Variants in KIF27 observed in about 807,000 individuals in gnomAD.
KIF27 encodes kinesin family member 27.
KIF27 carries 84 observed loss-of-function variants against 141.8 expected under a neutral mutation model. The observed-to-expected ratio is 0.59, with a 90% CI of 0.50 to 0.71. The LOEUF (loss-of-function observed/expected upper bound fraction) is 0.71. KIF27 is among the 30% of genes least tolerant of loss of function. KIF27 has a pLI of 0.00. For missense variants in KIF27, 1,306 were observed against 1,628.4 expected (o/e 0.80, Z 3.41); for synonymous variants, 471 against 569.5 (o/e 0.83, Z 2.46).
intron 13 of KIF27, among the ~76,000 whole-genome samples, chr9:83,865,923 T>C (rs1162387930): frequency 6.6e-6 from 1 of 152,172 alleles, no homozygotes; most frequent in African/African-American, 2.4e-5. Flanking sequence ...TTTTTAGATG[T>C]TTCAGAAAAT....
chr9:83,859,420 T>C (rs751828733), intron 13 of KIF27, 49 bp from the exon 14 acceptor site: 2 of 1,262,094 alleles, frequency 1.6e-6, no homozygotes, highest in South Asian at 1.3e-5. Context: ...ACTAGAAATC[T>C]AGACTGCATA....
At chr9:83,875,962 T>C (rs1266418851) in intron 11 of KIF27, among the ~76,000 whole-genome samples, 3 of 151,478 alleles carry the variant, frequency 2.0e-5, no homozygotes, top group Non-Finnish European at 4.4e-5. Context: ...AGGATAATTT[T>C]AGGATGAAAA....
At chr9:83,879,826 C>T (rs973670281) in intron 11 of KIF27, among the ~76,000 whole-genome samples, 8 of 152,268 alleles carry the variant, frequency 5.3e-5, no homozygotes, top group African/African-American at 1.9e-4. Flanking sequence ...AAGTTCTTCC[C>T]CAGCCCAATC....
chr9:83,884,956 T>C (rs1459057663), intron 9 of KIF27, among the ~76,000 whole-genome samples: 1 of 152,190 alleles, frequency 6.6e-6, no homozygotes, highest in Non-Finnish European at 1.5e-5. Context: ...TGATTCTAAA[T>C]CCAGCTAGTG....
At chr9:83,868,781 G>A (rs530577650) in intron 12 of KIF27, among the ~76,000 whole-genome samples, 1 of 152,084 alleles carries the variant, frequency 6.6e-6, no homozygotes, top group East Asian at 1.9e-4. Context: ...GAAAAAGAGA[G>A]CAAAATGGCC....
At chr9:83,845,036 C>G (rs1174549513) in intron 16 of KIF27, among the ~76,000 whole-genome samples, 2 of 152,184 alleles carry the variant, frequency 1.3e-5, no homozygotes, top group African/African-American at 2.4e-5. Flanking sequence ...GCTGTGCAAG[C>G]TGCTCTGCCA....
At chr9:83,860,391 T>G (rs1229607631) in intron 13 of KIF27, among the ~76,000 whole-genome samples, 1 of 152,210 alleles carries the variant, frequency 6.6e-6, no homozygotes, top group African/African-American at 2.4e-5. Context: ...GTCTACTGAC[T>G]ATGTATTATG....
In KIF27 at chr9:83,870,533, T is replaced by C. The variant is rs374535082; in HGVS notation, c.2743A>G (p.Ile915Val). 5 of 1,613,752 alleles carry C rather than the reference T, an allele frequency of 3.1e-6. No homozygotes were observed. The highest frequency in any genetic ancestry group is 1.1e-5 in the South Asian group (1 of 91,074). ...LKRRKGSFGS[I>V]DHLQKLDEQK... ...AATTGACAAACCTGGAGATGGTCTA[T>C]ACTTCCAAACGAACCTTTTCTCCTT... Residue 915 changes from isoleucine (I) to valine (V), a missense_variant, in exon 12 of 18, where the codon ATA (isoleucine) becomes GTA (valine). Physicochemically the swap from Ile to Val is conservative, Grantham distance 29 (BLOSUM62 3). Coordinates refer to ENST00000297814, the MANE Select transcript of KIF27 (RefSeq NM_017576.4).
chr9:83,859,225 C>T lies in KIF27; in HGVS notation c.3081G>A (p.Lys1027=). 3.7e-6 allele frequency: 6 copies of T among 1,614,142 alleles called. No homozygotes were observed. The highest frequency in any genetic ancestry group is 5.1e-6 in the Non-Finnish European group (6 of 1,179,994). ...TGTGTCTGCGTTTCTGGAGCTGATCCTTTTCTTTCTGGAGGACTTCAACTT... is the reference window on the plus strand; with the variant it reads ...TGTGTCTGCGTTTCTGGAGCTGATCTTTTTCTTTCTGGAGGACTTCAACTT... The part of the protein sequence containing the change: ...SEQVEVLQKE[K]DQLQKRRHNV... The change falls in exon 14 of 18, where the codon AAG becomes AAA. Residue 1027 remains lysine, a synonymous_variant. Transcript: ENST00000297814.
At chr9:83,900,026 T>G (rs1485321287) in intron 4 of KIF27, among the ~76,000 whole-genome samples, 1 of 152,204 alleles carries the variant, frequency 6.6e-6, no homozygotes, top group Non-Finnish European at 1.5e-5. Flanking sequence ...ACAGAAGATT[T>G]TCCTGATTTT....
At chr9:83,845,661 A>T (rs1230637175) in intron 16 of KIF27, among the ~76,000 whole-genome samples, 4 of 152,192 alleles carry the variant, frequency 2.6e-5, no homozygotes, top group African/African-American at 9.7e-5. Flanking sequence ...AGTGAAGGAA[A>T]ATCTTCCCAG....
At chr9:83,861,280 T>G (rs549284631) in intron 13 of KIF27, among the ~76,000 whole-genome samples, 3 of 152,180 alleles carry the variant, frequency 2.0e-5, no homozygotes, top group Admixed American at 6.5e-5. Flanking sequence ...GCTGCACCCA[T>G]TAACTCATCA....
At chr9:83,885,978 C>T (rs1301718216) in intron 9 of KIF27, among the ~76,000 whole-genome samples, 2 of 151,048 alleles carry the variant, frequency 1.3e-5, no homozygotes, top group Non-Finnish European at 2.9e-5. Flanking sequence ...TTTTAAGAAG[C>T]ATCCTCTGCT....
chr9:83,870,489 A>G (rs1217689777), intron 12 of KIF27, 30 bp downstream of exon 12: 16 of 1,612,416 alleles, frequency 9.9e-6, no homozygotes, highest in Non-Finnish European at 1.4e-5. Flanking sequence ...TTGAAGAGAA[A>G]CCAGGAAACA....
At position 83,834,479 on chromosome 9, in the gene KIF27, T is replaced by G. The variant is rs2780129; in HGVS notation, c.*2522A>C. 6.6e-6 allele frequency among the ~76,000 whole-genome samples: 1 copy of G among 152,092 alleles called. No homozygotes were observed. Among genetic ancestry groups the G allele is most frequent in the Non-Finnish European group, 1.5e-5 (1 of 67,956 alleles). On this transcript the variant is annotated 3_prime_UTR_variant, in exon 18 of 18. Transcript: ENST00000297814. Reference sequence around the variant, plus strand: ...ACACCATACCTTTGTTATTTAGAAATCAACTCACAATTGCATAGTCAAACC... The same window carrying G: ...ACACCATACCTTTGTTATTTAGAAAGCAACTCACAATTGCATAGTCAAACC...
intron 11 of KIF27, 152 bp downstream of exon 11, chr9:83,880,145 T>C: frequency 8.6e-7 from 1 of 1,162,664 alleles, no homozygotes; most frequent in Non-Finnish European, 1.2e-6. Flanking sequence ...ACTACGTAGA[T>C]GAACAAAGCT....
intron 3 of KIF27, among the ~76,000 whole-genome samples, chr9:83,904,289 G>A (rs954306885): frequency 2.6e-5 from 4 of 152,132 alleles, no homozygotes; most frequent in African/African-American, 7.2e-5. Flanking sequence ...CTTGAGTCAT[G>A]AGTCACACTC....
chr9:83,914,181 G>T (rs1439348002), intron 2 of KIF27, among the ~76,000 whole-genome samples: 4 of 147,174 alleles, frequency 2.7e-5, no homozygotes, highest in Non-Finnish European at 6.0e-5. Flanking sequence ...GCACATAATG[G>T]ATCATTAGGA....
intron 13 of KIF27, among the ~76,000 whole-genome samples, chr9:83,860,867 A>G (rs1300210983): frequency 6.7e-6 from 1 of 149,920 alleles, no homozygotes; most frequent in Non-Finnish European, 1.5e-5. Context: ...GTTTCCCTGG[A>G]TAGGCTTGAT....
Sources: allele counts gnomAD v4.1 joint callset (sites outside exome capture counted in the v4.1 genomes callset), GRCh38; gene constraint gnomAD v4.1.1; transcripts MANE v1.5; gene names NCBI Gene and HGNC (gene_info 2026-07-23, HGNC 2026-07-21).